Variants in PCDHA10 observed in about 807,000 individuals in gnomAD.
The protein encoded by PCDHA10 is protocadherin alpha 10, also known as protocadherin alpha-10.
A neutral mutation model predicts 61.2 loss-of-function variants in PCDHA10; 45 were observed. That is an observed-to-expected ratio of 0.74 (90% confidence interval 0.58 to 0.94). The LOEUF (loss-of-function observed/expected upper bound fraction) is 0.94, where lower values mean the gene tolerates loss of function less well. PCDHA10 is among the 40% of genes least tolerant of loss of function. The probability of loss-of-function intolerance (pLI) is 0.00; values close to 1 mark genes in which losing one functional copy is unlikely to be tolerated. For missense variants in PCDHA10, 1,278 were observed against 1,236.2 expected (o/e 1.03, Z -0.51); for synonymous variants, 602 against 548.8 (o/e 1.10, Z -1.35).
chr5:140,908,090 G>A (rs1198966409), intron 1 of PCDHA10, among the ~76,000 whole-genome samples: 1 of 152,200 alleles, frequency 6.6e-6, no homozygotes. Flanking sequence ...CAGGTGCACT[G>A]ATTGAAGTTC....
In PCDHA10 at chr5:140,888,751, C is replaced by T. The variant is rs947840835; in HGVS notation, c.2388+30315C>T. On this transcript the variant is annotated intron_variant, in intron 1 of 3. Transcript: ENST00000307360. ...TTGTGAGCTCTAGGAATTATTCTAC[C>T]CACTTTTTTTTTTAATTTTGAAGGG... Among the ~76,000 whole-genome samples, 4 of 151,800 alleles carry T rather than the reference C, an allele frequency of 2.6e-5. No individual in the cohort carries two copies. The South Asian group carries it at 8.3e-4, about 32-fold the overall frequency.
chr5:141,000,361 GTCTCTCTCTC>G lies in PCDHA10; in HGVS notation c.2537-9240_2537-9231del, dbSNP rs148596731. Reference sequence around the variant, plus strand: ...CCTATCTCTCTCTCTGTCTCTCTCTGTCTCTCTCTCTCTCTCTCTCTCTCTCTCTCTCTCT... The same window carrying G: ...CCTATCTCTCTCTCTGTCTCTCTCTGTCTCTCTCTCTCTCTCTCTCTCTCT... On this transcript the variant is annotated intron_variant, in intron 3 of 3. Transcript: ENST00000307360. 0.019 allele frequency among the ~76,000 whole-genome samples: 511 copies of G among 26,396 alleles called. 13 individuals carry two copies. In the Middle Eastern group the frequency reaches 0.2, roughly 10 times the overall value. The allele number at this position is 26,396 out of a possible 152,430, so 17.3% of individuals were successfully genotyped here.
chr5:140,931,626 A>G (rs1048704969), intron 1 of PCDHA10, among the ~76,000 whole-genome samples: 1 of 152,052 alleles, frequency 6.6e-6, no homozygotes, highest in Non-Finnish European at 1.5e-5. Flanking sequence ...CTTTTTAGGT[A>G]GCTCATTGGT....
At chr5:140,875,815 C>T (rs782785462) in intron 1 of PCDHA10, 11 of 1,614,218 alleles carry the variant, frequency 6.8e-6, no homozygotes, top group Non-Finnish European at 9.3e-6. Flanking sequence ...CAGGCCGCTG[C>T]AGGTTTTCCA....
At chr5:140,879,335 C>T (rs1388490473) in intron 1 of PCDHA10, among the ~76,000 whole-genome samples, 1 of 152,072 alleles carries the variant, frequency 6.6e-6, no homozygotes, top group Non-Finnish European at 1.5e-5. Context: ...TTAGTTTGTT[C>T]AGCTGAGAAG....
In PCDHA10 at chr5:140,858,122, G is replaced by A. The variant is rs2045205238; in HGVS notation, c.2074G>A (p.Val692Met). 2 of 1,597,922 alleles carry A rather than the reference G, an allele frequency of 1.3e-6. No individual in the cohort carries two copies. The highest frequency in any genetic ancestry group is 1.7e-6 in the Non-Finnish European group (2 of 1,167,684). Residue 692 changes from valine (V) to methionine (M), a missense_variant, in exon 1 of 4, where the codon GTG (valine) becomes ATG (methionine). By Grantham distance (21) the Val-to-Met change is conservative. Transcript: ENST00000307360. Reference protein sequence around the residue: ...SVGVAPEVALVDVNVYLIIAI... With the variant: ...SVGVAPEVALMDVNVYLIIAI... The stretch of plus-strand genomic sequence containing the variant: ...GGGCGTGGCGCCCGAGGTGGCCCTG[G>A]TGGATGTCAACGTGTACCTGATCAT...
intron 1 of PCDHA10, chr5:140,870,983 C>A: frequency 6.2e-7 from 1 of 1,613,520 alleles, no homozygotes; most frequent in South Asian, 1.1e-5. Context: ...GGGCTGTACA[C>A]GGGCGAGATA....
intron 1 of PCDHA10, among the ~76,000 whole-genome samples, chr5:140,916,610 A>G (rs1002556327): frequency 6.6e-6 from 1 of 152,196 alleles, no homozygotes; most frequent in Non-Finnish European, 1.5e-5. Flanking sequence ...TGCGGGCCTC[A>G]TGACTCTACT....
chr5:140,880,309 A>G (rs2058299906), intron 1 of PCDHA10, among the ~76,000 whole-genome samples: 1 of 152,236 alleles, frequency 6.6e-6, no homozygotes. Flanking sequence ...TGAAAGAAAC[A>G]AGTAAAAAAT....
intron 1 of PCDHA10, chr5:140,884,052 G>A (rs200938440): frequency 8.7e-6 from 14 of 1,613,472 alleles, no homozygotes; most frequent in African/African-American, 4.0e-5. Context: ...GCGAAGGTGC[G>A]CGCGGTGGAC....
At chr5:140,976,298 C>A (rs2096709941) in intron 1 of PCDHA10, among the ~76,000 whole-genome samples, 1 of 152,036 alleles carries the variant, frequency 6.6e-6, no homozygotes, top group African/African-American at 2.4e-5. Context: ...AGCCTGTAAT[C>A]CCAGCACTTT....
chr5:141,008,346 C>T lies in PCDHA10; in HGVS notation c.2537-1281C>T, dbSNP rs1223206383. Among the ~76,000 whole-genome samples the T allele has an allele frequency of 2.0e-5, 3 of 152,158 alleles. No homozygotes were observed. The East Asian group carries it at 5.8e-4, about 29-fold the overall frequency. On this transcript the variant is annotated intron_variant, in intron 3 of 3. Coordinates refer to ENST00000307360, the MANE Select transcript of PCDHA10 (RefSeq NM_018901.4). ...ACAGTTTATTTGATGGAGCTTTTCA[C>T]GTGTCAACCAAAGGAGCAGTGTTAG...
intron 1 of PCDHA10, chr5:140,926,951 G>T (rs1554203848): frequency 1.9e-6 from 3 of 1,596,266 alleles, no homozygotes; most frequent in Middle Eastern, 1.7e-4. Context: ...GCTGCAGCGG[G>T]ACAGCTCGAG....
chr5:140,858,347 C>T lies in PCDHA10; in HGVS notation c.2299C>T (p.Leu767Phe). ...CSGEGLPKAD[L>F]MAFSPSLPPC... ...TGGGGAGGGCCTGCCCAAGGCGGAC[C>T]TCATGGCCTTCAGCCCCAGCCTTCC... Residue 767 changes from leucine (L) to phenylalanine (F), a missense_variant, in exon 1 of 4, where the codon CTC becomes TTC. Leu to Phe is a conservative substitution (Grantham distance 22). Transcript: ENST00000307360. 3 of 1,594,932 alleles carry T rather than the reference C, an allele frequency of 1.9e-6. No individual in the cohort carries two copies. The East Asian group carries it at 6.7e-5, about 36-fold the overall frequency.
rs1554148275 is a variant in PCDHA10, at chr5:140,856,159, G to A, written c.111G>A (p.Glu37=). Residue 37 remains glutamate (E), a synonymous_variant, in exon 1 of 4, where the codon GAG becomes GAA. Coordinates refer to ENST00000307360, the MANE Select transcript of PCDHA10 (RefSeq NM_018901.4). ...SGQLHYSVYE[E]ARHGTFVGRI... ...AGCTCCACTACTCAGTCTACGAGGA[G>A]GCCAGACACGGCACCTTCGTGGGCC... 1 of 1,598,348 alleles carries A rather than the reference G, an allele frequency of 6.3e-7. No homozygotes were observed. The highest frequency in any genetic ancestry group is 8.6e-7 in the Non-Finnish European group (1 of 1,167,898).
At chr5:140,942,731 T>C (rs1404765148) in intron 1 of PCDHA10, among the ~76,000 whole-genome samples, 4 of 152,052 alleles carry the variant, frequency 2.6e-5, no homozygotes, top group Non-Finnish European at 5.9e-5. Flanking sequence ...TGTTGAAAAA[T>C]ATTTTAAAAT....
intron 1 of PCDHA10, among the ~76,000 whole-genome samples, chr5:140,898,545 C>CCG (rs2153461002): frequency 1.3e-5 from 2 of 152,322 alleles, no homozygotes; most frequent in East Asian, 3.9e-4. Context: ...TTCCATTTAT[C>CCG]TATGTCTCTG....
chr5:140,995,544 A>T (rs2097688289), intron 3 of PCDHA10, among the ~76,000 whole-genome samples: 1 of 152,234 alleles, frequency 6.6e-6, no homozygotes, highest in African/African-American at 2.4e-5. Context: ...ATAAGGGGCG[A>T]TCACTGTACT....
chr5:141,009,732 A>G lies in PCDHA10; in HGVS notation c.2642A>G (p.Glu881Gly). ...AACCCCAAACAATCCGGTCCCGGTG[A>G]GTTGCCCGACAAATTCATTATCCCA... is the stretch of plus-strand genomic sequence containing the variant. Reference protein sequence around the residue: ...PGNPKQSGPGELPDKFIIPGS... With the variant: ...PGNPKQSGPGGLPDKFIIPGS... Residue 881 changes from glutamate to glycine, a missense_variant, in exon 4 of 4, where the codon GAG becomes GGG. Transcript: ENST00000307360. The G allele has an allele frequency of 6.2e-7, 1 of 1,614,168 alleles. No individual in the cohort carries two copies. Among genetic ancestry groups the G allele is most frequent in the Non-Finnish European group, 8.5e-7 (1 of 1,180,032 alleles).
Sources: allele counts gnomAD v4.1 joint callset (sites outside exome capture counted in the v4.1 genomes callset), GRCh38; gene constraint gnomAD v4.1.1; transcripts MANE v1.5; gene names NCBI Gene and HGNC (gene_info 2026-07-23, HGNC 2026-07-21).